The following TAF6L variants were observed in gnomAD, a reference collection of about 807,000 sequenced individuals.
TAF6L encodes the protein TAF6-like RNA polymerase II p300/CBP-associated factor-associated factor 65 kDa subunit 6L.
Under a neutral mutation model 57.3 loss-of-function variants are expected in TAF6L, and 34 were observed. That is an observed-to-expected ratio of 0.59 (90% CI 0.45 to 0.79). The LOEUF (loss-of-function observed/expected upper bound fraction) is 0.79. TAF6L is among the 30% of genes least tolerant of loss of function. The pLI is 0.00. For synonymous variants in TAF6L, 417 were observed against 376.3 expected (o/e 1.11, Z -1.25); for missense variants, 782 against 853.2 (o/e 0.92, Z 1.04).
chr11:62,772,017 T>TA, intron 1 of TAF6L: 1 of 446,566 alleles, frequency 2.2e-6, no homozygotes, highest in East Asian at 7.0e-5. Context: ...CGGTATAGAG[T>TA]AAAGATTAGG....
At chr11:62,778,254 AG>A in intron 4 of TAF6L, 30 bp from the exon 5 acceptor site, 3 of 1,614,172 alleles carry the variant, frequency 1.9e-6, no homozygotes, top group Non-Finnish European at 2.5e-6. Context: ...GCAAAACGCC[AG>A]GCTGACACAT....
intron 8 of TAF6L, 155 bp from the exon 9 acceptor site, chr11:62,782,538 T>C: frequency 8.4e-7 from 1 of 1,189,906 alleles, no homozygotes; most frequent in Non-Finnish European, 1.2e-6. Context: ...TCTTCAGCCC[T>C]CAGGTCCTAG....
intron 3 of TAF6L, among the ~76,000 whole-genome samples, chr11:62,777,573 C>G (rs1450395616): frequency 5.9e-5 from 9 of 152,148 alleles, no homozygotes; most frequent in African/African-American, 2.2e-4. Context: ...AGAAGGCATT[C>G]AGGCTAAGGG....
rs571596496 is a variant in TAF6L at position 62,782,460 on chromosome 11, G to T, written c.827+127G>T. On this transcript the variant is annotated intron_variant, in intron 8 of 10. Coordinates refer to ENST00000294168, the MANE Select transcript of TAF6L (RefSeq NM_006473.4). The stretch of plus-strand genomic sequence containing the variant: ...GATGGGGAACCTTTTCCCTAGGAGC[G>T]TCCTAGCTGGTGTGCTGTGACACAC... 5.4e-6 allele frequency: 6 copies of T among 1,106,560 alleles called. No individual in the cohort carries two copies. In the East Asian group the frequency reaches 1.5e-4, roughly 27 times the overall value. 68.5% of individuals were successfully genotyped at this position (1,106,560 alleles called of 1,614,324 possible).
At chr11:62,780,749 G>GCAAAACCCTGTC in intron 6 of TAF6L, among the ~76,000 whole-genome samples, 2 of 151,112 alleles carry the variant, frequency 1.3e-5, no homozygotes, top group South Asian at 2.1e-4. Context: ...GGCCAACATG[G>GCAAAACCCTGTC]TGATTTCCCG....
chr11:62,784,947 A>C (rs2084259200), intron 9 of TAF6L, among the ~76,000 whole-genome samples: 1 of 152,178 alleles, frequency 6.6e-6, no homozygotes, highest in Non-Finnish European at 1.5e-5. Flanking sequence ...GCCTTACAGA[A>C]TGATGTGGGG....
At position 62,773,365 on chromosome 11, in the gene TAF6L, C is replaced by T. The variant is rs559228645; in HGVS notation, c.-14+1875C>T. Among the ~76,000 whole-genome samples the T allele has an allele frequency of 5.7e-4, 86 of 151,930 alleles. 1 individual carries two copies. Among genetic ancestry groups the T allele is most frequent in the African/African-American group, 1.8e-3 (75 of 41,416 alleles). On this transcript the variant is annotated intron_variant, in intron 1 of 10. Coordinates refer to ENST00000294168, the MANE Select transcript of TAF6L (RefSeq NM_006473.4). The stretch of plus-strand genomic sequence containing the variant: ...GTTTCACCATATTGTCCAGGCTGGT[C>T]TAGAACTCCTGACCTTGTGATCCAC...
chr11:62,777,981 G>C lies in TAF6L; in HGVS notation c.238G>C (p.Val80Leu). 1 of 1,614,018 alleles carries C rather than the reference G, an allele frequency of 6.2e-7. No individual in the cohort carries two copies. The highest frequency in any genetic ancestry group is 8.5e-7 in the Non-Finnish European group (1 of 1,179,968). ...RALRWSSVEA[V>L]CGYGSQEALP... ...CTCCAATTCCCTTTTTCCTCAGGCTGTGTGTGGTTACGGATCACAGGAGGC... is the reference window on the plus strand; with the variant it reads ...CTCCAATTCCCTTTTTCCTCAGGCTCTGTGTGGTTACGGATCACAGGAGGC... The change falls in exon 4 of 11, where the codon GTG becomes CTG. Residue 80 changes from valine (V) to leucine (L), a missense_variant. Coordinates refer to ENST00000294168, the MANE Select transcript of TAF6L (RefSeq NM_006473.4).
Position 62,775,845 on chromosome 11 carries a change from C to A in TAF6L, c.62C>A (p.Ala21Glu). ...CCTCGGGAGTCTGTCCGGCTCATGG[C>A]GGAGAGCACGGGCCTGGAGCTGAGC... ...EIPRESVRLM[A>E]ESTGLELSDE... The change falls in exon 2 of 11, where the codon GCG (alanine) becomes GAG (glutamate). Residue 21 changes from alanine (A) to glutamate (E), a missense_variant. Physicochemically the swap from Ala to Glu is moderately radical, Grantham distance 107 (BLOSUM62 -1). Transcript: ENST00000294168. 1 of 1,613,310 alleles carries A rather than the reference C, an allele frequency of 6.2e-7. No homozygotes were observed. The highest frequency in any genetic ancestry group is 8.5e-7 in the Non-Finnish European group (1 of 1,179,892).
In TAF6L at chr11:62,787,032, G is replaced by A. The variant is rs1472043314; in HGVS notation, c.1605G>A (p.Arg535=). The change falls in exon 11 of 11, where the codon CGG becomes CGA. Residue 535 remains arginine (R), a synonymous_variant. Transcript: ENST00000294168. The part of the protein sequence containing the change: ...PRVHRARGAP[R]QQGPGTGTRD... ...TGCATCGGGCGCGCGGGGCACCCCG[G>A]CAGCAGGGCCCCGGGACCGGCACCC... 6.6e-7 allele frequency: 1 copy of A among 1,507,570 alleles called. No homozygotes were observed. The highest frequency in any genetic ancestry group is 8.8e-7 in the Non-Finnish European group (1 of 1,136,112). 93.4% of individuals were successfully genotyped at this position (1,507,570 alleles called of 1,614,324 possible).
At chr11:62,784,322 T>G (rs2084253883) in intron 9 of TAF6L, among the ~76,000 whole-genome samples, 2 of 141,166 alleles carry the variant, frequency 1.4e-5, no homozygotes, top group Admixed American at 1.4e-4. Context: ...TTTTTTTTTT[T>G]GAGACGGAGT....
intron 1 of TAF6L, chr11:62,774,791 A>C: frequency 2.9e-6 from 1 of 349,954 alleles, no homozygotes; most frequent in Non-Finnish European, 6.0e-6. Context: ...TCTACTAAAA[A>C]TACAAAAATT....
intron 8 of TAF6L, 179 bp from the exon 9 acceptor site, chr11:62,782,514 G>A (rs1181506628): frequency 1.9e-6 from 2 of 1,056,440 alleles, no homozygotes; most frequent in African/African-American, 1.6e-5. Flanking sequence ...TTACAAATAC[G>A]CCAAGGTATT....
Position 62,786,704 on chromosome 11 carries a change from C to G in TAF6L, c.1277C>G (p.Ala426Gly). The G allele has an allele frequency of 6.2e-7, 1 of 1,612,436 alleles. No individual in the cohort carries two copies. The highest frequency in any genetic ancestry group is 1.7e-5 in the Admixed American group (1 of 59,774). ...GGCCTCCCGCTGCCGCCAGGGGGCG[C>G]GGGGCCGGAGGACCCTTCTCTTTCG... ...GSGLPLPPGG[A>G]GPEDPSLSVT... Residue 426 changes from alanine (A) to glycine (G), a missense_variant, in exon 11 of 11, where the codon GCG (alanine) becomes GGG (glycine). Around this residue, in one of 3 missense-constraint regions of TAF6L, gnomAD observed 483 missense variants for 445.1 expected, o/e 1.09. Coordinates refer to ENST00000294168, the MANE Select transcript of TAF6L (RefSeq NM_006473.4).
chr11:62,773,228 A>G (rs1419289829), intron 1 of TAF6L, among the ~76,000 whole-genome samples: 1 of 147,742 alleles, frequency 6.8e-6, no homozygotes, highest in Non-Finnish European at 1.5e-5. Context: ...GCTCACTACA[A>G]CCTCCACCTC....
intron 3 of TAF6L, among the ~76,000 whole-genome samples, 199 bp from the exon 4 acceptor site, chr11:62,777,779 C>T (rs1448508235): frequency 2.0e-5 from 3 of 152,192 alleles, no homozygotes; most frequent in African/African-American, 7.2e-5. Flanking sequence ...TGTTCTTTCC[C>T]TTGACCCAGG....
In TAF6L at chr11:62,778,046, T is replaced by C. The variant is rs2084200041; in HGVS notation, c.303T>C (p.Phe101=). The change falls in exon 4 of 11, where the codon TTT becomes TTC. Residue 101 remains phenylalanine, a synonymous_variant. Coordinates refer to ENST00000294168, the MANE Select transcript of TAF6L (RefSeq NM_006473.4). ...CCGCCAGGGAGGGTGAACTCTACTT[T>C]CCTGAGGATCGAGAGGTGAACCTGG... ...MRPAREGELY[F]PEDREVNLVE... is the part of the protein sequence containing the mutation. The C allele has an allele frequency of 1.9e-6, 3 of 1,614,110 alleles. No individual in the cohort carries two copies. The highest frequency in any genetic ancestry group is 1.3e-5 in the African/African-American group (1 of 75,030).
At chr11:62,779,974 A>ATTTTTTTT (rs1432226168) in intron 6 of TAF6L, among the ~76,000 whole-genome samples, 11 of 74,922 alleles carry the variant, frequency 1.5e-4, no homozygotes, top group African/African-American at 4.5e-4. Context: ...ATATATATAT[A>ATTTTTTTT]TATTTTTTTT....
At chr11:62,779,019 GTTTTTT>G in intron 6 of TAF6L, 56 bp downstream of exon 6, 17 of 932,516 alleles carry the variant, frequency 1.8e-5, no homozygotes, top group African/African-American at 3.7e-5. Context: ...TTCTAGACCT[GTTTTTT>G]TTTTTTTTTT....
Sources: gnomAD v4.1 joint callset for allele counts (sites outside exome capture counted in the v4.1 genomes callset) on GRCh38, gnomAD v4.1.1 for gene constraint, gnomAD v4.1.1 regional missense constraint, MANE v1.5 for transcripts, NCBI Gene and HGNC (gene_info 2026-07-23, HGNC 2026-07-21) for gene names.